The following FAF2 variants were observed in gnomAD, a reference collection of about 807,000 sequenced individuals.
FAF2 encodes Fas associated factor family member 2, also known as FAS-associated factor 2.
A neutral mutation model predicts 62.3 loss-of-function variants in FAF2; 9 were observed. That is an observed-to-expected ratio of 0.14 (90% confidence interval 0.09 to 0.25). The LOEUF (loss-of-function observed/expected upper bound fraction) is 0.25. Ranked by LOEUF, FAF2 falls within the 10% of genes least tolerant of loss-of-function variation. The probability of loss-of-function intolerance (pLI) is 1.00; values close to 1 mark genes in which losing one functional copy is unlikely to be tolerated. For missense variants in FAF2, 368 were observed against 556.2 expected (o/e 0.66, Z 3.40); for synonymous variants, 202 against 198.0 (o/e 1.02, Z -0.17).
At chr5:176,500,249 A>G (rs895559016) in intron 10 of FAF2, 103 bp downstream of exon 10, 2 of 1,134,836 alleles carry the variant, frequency 1.8e-6, no homozygotes, top group Non-Finnish European at 2.6e-6. Context: ...TGCTGCTCTG[A>G]TGAACAGGGA....
chr5:176,463,722 A>C (rs111447770), intron 1 of FAF2, among the ~76,000 whole-genome samples: 2 of 144,496 alleles, frequency 1.4e-5, no homozygotes, highest in South Asian at 4.3e-4. Flanking sequence ...GGGTTATTGC[A>C]TGTTTTTTTT....
chr5:176,490,306 G>A (rs1357327306), intron 4 of FAF2, among the ~76,000 whole-genome samples: 10 of 134,764 alleles, frequency 7.4e-5, no homozygotes, highest in East Asian at 6.8e-4. Context: ...GTGGGACTCC[G>A]TCTCAAAAAA....
intron 8 of FAF2, among the ~76,000 whole-genome samples, chr5:176,498,042 A>T (rs980047092): frequency 6.6e-6 from 1 of 152,154 alleles, no homozygotes; most frequent in African/African-American, 2.4e-5. Flanking sequence ...CTGAGGTGGC[A>T]GGATTGCTTT....
intron 1 of FAF2, among the ~76,000 whole-genome samples, chr5:176,450,955 A>G (rs190070474): frequency 7.3e-4 from 111 of 152,328 alleles, no homozygotes; most frequent in African/African-American, 2.5e-3. Context: ...TTTCTATTCT[A>G]TAAGCAATCG....
Position 176,507,600 on chromosome 5 carries a change from A to G in FAF2, c.*650A>G, listed in dbSNP as rs1040863357. ...TATGCCCTGGGCTCCTTAGCCCACA[A>G]TAGTGTAATAAAAGTGCCCCGGGCT... On this transcript the variant is annotated 3_prime_UTR_variant, in exon 11 of 11. Transcript: ENST00000261942. 3 of 154,666 alleles carry G rather than the reference A, an allele frequency of 1.9e-5. No individual in the cohort carries two copies. Among genetic ancestry groups the G allele is most frequent in the South Asian group, 1.9e-4 (1 of 5,242 alleles). 9.6% of individuals were successfully genotyped at this position (154,666 alleles called of 1,614,324 possible).
chr5:176,500,234 G>A, intron 10 of FAF2, 88 bp downstream of exon 10: 1 of 1,280,024 alleles, frequency 7.8e-7, no homozygotes, highest in Non-Finnish European at 1.1e-6. Context: ...TGGTGTTGGT[G>A]TATCTGCTGC....
rs1266863961 is a variant in FAF2, at chr5:176,494,361, G to A, written c.661+86G>A. 3.5e-6 allele frequency: 4 copies of A among 1,148,110 alleles called. No individual in the cohort carries two copies. The highest frequency in any genetic ancestry group is 1.5e-5 in the African/African-American group (1 of 65,734). 71.1% of individuals were successfully genotyped at this position (1,148,110 alleles called of 1,614,324 possible). ...AGACATGCCATGCCATTTATTACAA[G>A]TGTGTTTGTTCTGTGGTAGATACGA... is the stretch of plus-strand genomic sequence containing the variant. On this transcript the variant is annotated intron_variant, in intron 7 of 10. Transcript: ENST00000261942. The surrounding 1 kb of genome is among the most constrained non-coding windows in gnomAD (Gnocchi z 4.0).
chr5:176,505,945 C>G (rs1188524396), intron 10 of FAF2, among the ~76,000 whole-genome samples: 1 of 152,052 alleles, frequency 6.6e-6, no homozygotes, highest in East Asian at 1.9e-4. Context: ...AATCCCAGCA[C>G]TTTGGGAGGC....
chr5:176,470,911 A>G (rs1023251022), intron 1 of FAF2, among the ~76,000 whole-genome samples: 12 of 152,306 alleles, frequency 7.9e-5, no homozygotes, highest in African/African-American at 2.6e-4. Context: ...AAGCCACTCA[A>G]ATTTAGCAAT....
chr5:176,485,817 C>T (rs766026634), intron 2 of FAF2, among the ~76,000 whole-genome samples: 5 of 152,092 alleles, frequency 3.3e-5, no homozygotes, highest in Non-Finnish European at 7.4e-5. Context: ...GCAATCCTCT[C>T]ACCTCAGCCT....
chr5:176,498,013 G>A (rs1010366911), intron 8 of FAF2, among the ~76,000 whole-genome samples: 1 of 152,140 alleles, frequency 6.6e-6, no homozygotes, highest in African/African-American at 2.4e-5. Context: ...AGCTAGGCGT[G>A]GTGGCACACG....
At chr5:176,465,659 G>A (rs1758455426) in intron 1 of FAF2, among the ~76,000 whole-genome samples, 1 of 152,150 alleles carries the variant, frequency 6.6e-6, no homozygotes, top group Non-Finnish European at 1.5e-5. Context: ...GAGCCACCAT[G>A]CCCAGCCCAG....
Position 176,506,833 on chromosome 5 carries a change from T to G in FAF2, c.1221T>G (p.Phe407Leu). ...SPEKFQIEAN[F>L]PRRVLPCIPS... is the part of the protein sequence containing the mutation. ...AAAAGTTTCAGATTGAAGCCAATTT[T>G]CCCAGGCGAGTGCTGCCCTGCATCC... Residue 407 changes from phenylalanine (F) to leucine (L), a missense_variant, in exon 11 of 11, where the codon TTT (phenylalanine) becomes TTG (leucine). Physicochemically the swap from Phe to Leu is conservative, Grantham distance 22 (BLOSUM62 0). Around this residue, in one of 2 missense-constraint regions of FAF2, gnomAD observed 37 missense variants for 114.3 expected, o/e 0.32. Coordinates refer to ENST00000261942, the MANE Select transcript of FAF2 (RefSeq NM_014613.3). 2 of 1,614,030 alleles carry G rather than the reference T, an allele frequency of 1.2e-6. No homozygotes were observed. Among genetic ancestry groups the G allele is most frequent in the Non-Finnish European group, 1.7e-6 (2 of 1,179,992 alleles).
At chr5:176,472,719 C>CAAAAAA (rs66911150) in intron 1 of FAF2, among the ~76,000 whole-genome samples, 2 of 108,514 alleles carry the variant, frequency 1.8e-5, no homozygotes, top group Non-Finnish European at 3.9e-5. Flanking sequence ...TTCATCTCTA[C>CAAAAAA]AAAAAAAAAA....
At chr5:176,466,471 T>C (rs1260644776) in intron 1 of FAF2, among the ~76,000 whole-genome samples, 1 of 152,238 alleles carries the variant, frequency 6.6e-6, no homozygotes, top group African/African-American at 2.4e-5. Context: ...GTGCAGCGTT[T>C]GTTAGTATAA....
intron 1 of FAF2, among the ~76,000 whole-genome samples, chr5:176,461,467 AC>A (rs1433062534): frequency 3.3e-5 from 5 of 151,210 alleles, no homozygotes; most frequent in Non-Finnish European, 5.9e-5. Flanking sequence ...ACAGGTGTAC[AC>A]CACCACACTG....
chr5:176,504,422 A>C (rs546790229), intron 10 of FAF2, among the ~76,000 whole-genome samples: 41 of 152,180 alleles, frequency 2.7e-4, no homozygotes, highest in African/African-American at 9.4e-4. Flanking sequence ...CATCTCTACA[A>C]AAAACACAAA....
At chr5:176,496,315 A>G (rs1041740006) in intron 7 of FAF2, among the ~76,000 whole-genome samples, 171 bp from the exon 8 acceptor site, 24 of 152,338 alleles carry the variant, frequency 1.6e-4, no homozygotes, top group African/African-American at 5.8e-4. Flanking sequence ...CCTGGCTCAA[A>G]AAAAGAAAAG....
intron 1 of FAF2, among the ~76,000 whole-genome samples, chr5:176,474,282 A>T (rs531175517): frequency 1.3e-5 from 2 of 152,224 alleles, no homozygotes; most frequent in East Asian, 3.9e-4. Context: ...TTCATCATTC[A>T]CCATCTTTTT....
Sources: gnomAD v4.1 joint callset for allele counts (sites outside exome capture counted in the v4.1 genomes callset) on GRCh38, gnomAD v4.1.1 for gene constraint, gnomAD v4.1.1 regional missense constraint, Gnocchi (gnomAD v3.1) non-coding constraint, MANE v1.5 for transcripts, NCBI Gene and HGNC (gene_info 2026-07-23, HGNC 2026-07-21) for gene names.